The following PHYKPL variants were observed in gnomAD, a reference collection of about 807,000 sequenced individuals.
The protein encoded by PHYKPL is 5-phosphonooxy-L-lysine phospho-lyase.
Under a neutral mutation model 51.3 loss-of-function variants are expected in PHYKPL, and 42 were observed. That is an observed-to-expected ratio of 0.82 (90% CI 0.64 to 1.06). The LOEUF is 1.06. Ranked by LOEUF, PHYKPL falls within the 50% of genes least tolerant of loss-of-function variation. PHYKPL has a pLI of 0.00. For synonymous variants in PHYKPL, 264 were observed against 236.0 expected, an observed-to-expected ratio of 1.12 and a Z score of -1.09; for missense variants, 655 against 586.6, an observed-to-expected ratio of 1.12 and a Z score of -1.20.
At chr5:178,224,407 A>G (rs745483315) in intron 6 of PHYKPL, 41 bp downstream of exon 6, 3 of 1,512,762 alleles carry the variant, frequency 2.0e-6, no homozygotes, top group Admixed American at 2.0e-5. Flanking sequence ...CGGAGGTGAC[A>G]TTCACTGTTG....
At chr5:178,211,623 C>T (rs975683047) in intron 12 of PHYKPL, 4 of 430,322 alleles carry the variant, frequency 9.3e-6, no homozygotes, top group Non-Finnish European at 1.7e-5. Flanking sequence ...GGGCATAAGA[C>T]TAGGTGGTTA....
intron 8 of PHYKPL, among the ~76,000 whole-genome samples, chr5:178,221,140 T>A (rs766551397): frequency 6.6e-6 from 1 of 152,234 alleles, no homozygotes; most frequent in South Asian, 2.1e-4. Flanking sequence ...AAGAGGGCTA[T>A]GCACAGACAG....
intron 11 of PHYKPL, among the ~76,000 whole-genome samples, chr5:178,212,747 T>C (rs1421293559): frequency 2.6e-5 from 4 of 152,236 alleles, no homozygotes; most frequent in Admixed American, 6.5e-5. Flanking sequence ...GGCTGGGTGG[T>C]GGCTCACCTT....
chr5:178,210,419 C>CA, intron 12 of PHYKPL: 1 of 1,531,440 alleles, frequency 6.5e-7, no homozygotes, highest in African/African-American at 1.4e-5. Context: ...CCTTAGACTT[C>CA]GGGGTCTTAA....
intron 7 of PHYKPL, 117 bp downstream of exon 7, chr5:178,222,735 G>T: frequency 7.3e-7 from 1 of 1,371,864 alleles, no homozygotes; most frequent in African/African-American, 1.4e-5. Flanking sequence ...TTTCTTTAAG[G>T]GCTTTGTCTC....
intron 3 of PHYKPL, chr5:178,229,690 C>T (rs552846967): frequency 1.9e-5 from 8 of 429,630 alleles, no homozygotes; most frequent in Non-Finnish European, 2.5e-5. Flanking sequence ...AATAAAGGAA[C>T]ATATTACCTC....
At chr5:178,226,399 G>A (rs1762305816) in intron 3 of PHYKPL, 1 of 152,198 alleles carries the variant, frequency 6.6e-6, no homozygotes, top group African/African-American at 2.4e-5. Context: ...CTGGCTTCAA[G>A]TTGAGGTTCC....
At chr5:178,212,629 A>ATCC (rs1489170508) in intron 11 of PHYKPL, among the ~76,000 whole-genome samples, 1 of 152,188 alleles carries the variant, frequency 6.6e-6, no homozygotes. Flanking sequence ...CCATCTCTAC[A>ATCC]TCCTAGGCTG....
chr5:178,209,044 G>T, intron 12 of PHYKPL, 129 bp from the exon 13 acceptor site: 1 of 377,816 alleles, frequency 2.6e-6, no homozygotes, highest in Non-Finnish European at 5.0e-6. Flanking sequence ...GCTCCCCTGG[G>T]CTGCAGTTGG....
chr5:178,223,240 A>C (rs1230690625), intron 6 of PHYKPL: 2 of 418,020 alleles, frequency 4.8e-6, no homozygotes, highest in Non-Finnish European at 4.6e-6. Context: ...CTCCTCCCTC[A>C]ACCCATCAGT....
chr5:178,224,433 C>A lies in PHYKPL; in HGVS notation c.618+15G>T. ...TTCACTGTTGGCTGGATTGGACAGG[C>A]GCGGACACGGTTACCTTCCTGCCCT... On this transcript the variant is annotated intron_variant, in intron 6 of 12. Transcript: ENST00000308158. 6.4e-7 allele frequency: 1 copy of A among 1,557,806 alleles called. No homozygotes were observed. The highest frequency in any genetic ancestry group is 8.7e-7 in the Non-Finnish European group (1 of 1,147,952).
chr5:178,210,458 A>G lies in PHYKPL; in HGVS notation c.*31+1432T>C, dbSNP rs1455135774. ...CATGAGGAAGGCAGTCTCTGCTGTC[A>G]CGGCTGGTGAGGGTCCTGGGAAGAT... On this transcript the variant is annotated intron_variant, in intron 12 of 12. Coordinates refer to ENST00000308158, the MANE Select transcript of PHYKPL (RefSeq NM_153373.4). 4 of 1,495,414 alleles carry G rather than the reference A, an allele frequency of 2.7e-6. No individual in the cohort carries two copies. In the Admixed American group the frequency reaches 5.3e-5, roughly 20 times the overall value. The allele number at this position is 1,495,414 out of a possible 1,614,324, so 92.6% of individuals were successfully genotyped here. A position where few individuals can be genotyped will look rare whatever the true frequency, so the allele number is the denominator to read the frequency against.
At chr5:178,222,307 G>A (rs1482328050) in intron 8 of PHYKPL, 48 bp downstream of exon 8, 1 of 1,514,824 alleles carries the variant, frequency 6.6e-7, no homozygotes, top group Admixed American at 1.8e-5. Flanking sequence ...GATCACCGGG[G>A]GCCTATCAGA....
intron 10 of PHYKPL, among the ~76,000 whole-genome samples, chr5:178,213,338 C>T (rs1759042956): frequency 6.6e-6 from 1 of 152,240 alleles, no homozygotes; most frequent in South Asian, 2.1e-4. Flanking sequence ...GGCACCTTGC[C>T]TCACCTAACC....
intron 3 of PHYKPL, among the ~76,000 whole-genome samples, chr5:178,227,912 C>T (rs535482055): frequency 6.3e-4 from 96 of 152,184 alleles, no homozygotes; most frequent in African/African-American, 2.2e-3. Flanking sequence ...GACTGGGGAG[C>T]GTGTGGTTTC....
chr5:178,211,474 A>ATTCT (rs1181486607), intron 12 of PHYKPL: 4 of 160,630 alleles, frequency 2.5e-5, no homozygotes, highest in African/African-American at 7.2e-5. Context: ...AAAAAATGGG[A>ATTCT]TTCTTTACAC....
At chr5:178,232,093 C>A (rs1763584901) in intron 1 of PHYKPL, 15 of 1,193,042 alleles carry the variant, frequency 1.3e-5, no homozygotes, top group Non-Finnish European at 1.6e-5. Flanking sequence ...AGCCCCCTCC[C>A]AGGTCACTCT....
rs576067602 is a variant in PHYKPL at position 178,224,676 on chromosome 5, C to G, written c.467G>C (p.Arg156Pro). 2 of 1,614,084 alleles carry G rather than the reference C, an allele frequency of 1.2e-6. No homozygotes were observed. The highest frequency in any genetic ancestry group is 2.7e-5 in the African/African-American group (2 of 74,922). The change falls in exon 5 of 13, where the codon CGC (arginine) becomes CCC (proline). Residue 156 changes from arginine to proline, a missense_variant. Arg to Pro is a moderately radical substitution (Grantham distance 103). Transcript: ENST00000308158. Reference protein sequence around the residue: ...SLIDISPYKFRNLDGQKEWVH... With the variant: ...SLIDISPYKFPNLDGQKEWVH... ...CCACTCCTTCTGGCCATCCAGGTTG[C>G]GGAACTTGTAGGGACTGATGTCAAT...
chr5:178,224,222 C>T (rs796225637), intron 6 of PHYKPL: 7 of 516,212 alleles, frequency 1.4e-5, no homozygotes, highest in South Asian at 8.9e-5. Context: ...CCAAGGACCC[C>T]GCTTGGTACC....
Sources: allele counts gnomAD v4.1 joint callset (sites outside exome capture counted in the v4.1 genomes callset), GRCh38; gene constraint gnomAD v4.1.1; transcripts MANE v1.5; gene names NCBI Gene and HGNC (gene_info 2026-07-23, HGNC 2026-07-21).